The following ST7 variants were observed in gnomAD, a reference collection of about 807,000 sequenced individuals.
The protein encoded by ST7 is suppressor of tumorigenicity 7 protein.
ST7 carries 28 observed loss-of-function variants against 78.7 expected under a neutral mutation model. That is an observed-to-expected ratio of 0.36 (90% confidence interval 0.26 to 0.49). The LOEUF (loss-of-function observed/expected upper bound fraction) is 0.49, where lower values mean the gene tolerates loss of function less well. Among genes scored for constraint, ST7 ranks in the 20% least tolerant of loss-of-function variants. ST7 has a pLI of 0.99. For missense variants in ST7, 418 were observed against 696.0 expected (o/e 0.60, Z 4.49); for synonymous variants, 247 against 249.6 (o/e 0.99, Z 0.10).
intron 1 of ST7, among the ~76,000 whole-genome samples, chr7:116,997,271 G>A (rs1338791558): frequency 6.6e-6 from 1 of 152,140 alleles, no homozygotes; most frequent in African/African-American, 2.4e-5. Flanking sequence ...AAGGGGACCC[G>A]AGTGGGTTGC....
chr7:116,965,693 T>C (rs949971717), intron 1 of ST7, among the ~76,000 whole-genome samples: 3 of 152,198 alleles, frequency 2.0e-5, no homozygotes, highest in Non-Finnish European at 4.4e-5. Context: ...TTGAAGGAAC[T>C]GTGATTCTTG....
At chr7:117,044,332 A>G (rs1797380524) in intron 1 of ST7, among the ~76,000 whole-genome samples, 1 of 152,202 alleles carries the variant, frequency 6.6e-6, no homozygotes, top group Non-Finnish European at 1.5e-5. Flanking sequence ...GGCAGGTACT[A>G]GGTACCTTCT....
intron 2 of ST7, chr7:117,118,517 G>A (rs1803089821): frequency 1.3e-5 from 2 of 152,148 alleles, no homozygotes. Flanking sequence ...CCATTCCAGG[G>A]TAGATAATCT....
chr7:117,093,677 G>C (rs1189010751), intron 1 of ST7, among the ~76,000 whole-genome samples: 1 of 152,050 alleles, frequency 6.6e-6, no homozygotes, highest in Non-Finnish European at 1.5e-5. Flanking sequence ...CTCCAGCCTG[G>C]GCGACGGAGT....
chr7:117,018,127 CATGT>C lies in ST7; in HGVS notation c.151+64438_151+64441del, dbSNP rs535563383. Among the ~76,000 whole-genome samples, 11 of 152,300 alleles carry C rather than the reference CATGT, an allele frequency of 7.2e-5. No individual in the cohort carries two copies. The East Asian group carries it at 2.1e-3, about 29-fold the overall frequency. On this transcript the variant is annotated intron_variant, in intron 1 of 15. Coordinates refer to ENST00000323984, the MANE Select transcript of ST7 (RefSeq NM_001369598.1). ...AAATGAGTCGGCAAAGCAGTTATTA[CATGT>C]AGACCATGGCCTCTGTTTGAAAATA...
At chr7:117,035,195 A>C (rs527890113) in intron 1 of ST7, among the ~76,000 whole-genome samples, 1 of 151,076 alleles carries the variant, frequency 6.6e-6, no homozygotes, top group African/African-American at 2.4e-5. Context: ...ATGCTCTGGA[A>C]TTACCAGCTG....
At chr7:117,229,433 A>C (rs1793649425) in intron 15 of ST7, among the ~76,000 whole-genome samples, 1 of 152,226 alleles carries the variant, frequency 6.6e-6, no homozygotes, top group Non-Finnish European at 1.5e-5. Flanking sequence ...CCAATCTGTC[A>C]TTCCTGTTTG....
intron 1 of ST7, among the ~76,000 whole-genome samples, chr7:117,013,205 T>C (rs1751750639): frequency 6.6e-6 from 1 of 152,210 alleles, no homozygotes; most frequent in South Asian, 2.1e-4. Context: ...TAAATGTAGG[T>C]AGTTATTATC....
chr7:117,074,003 G>C (rs1016016318), intron 1 of ST7: 3 of 152,032 alleles, frequency 2.0e-5, no homozygotes, highest in Admixed American at 6.5e-5. Flanking sequence ...TTGAAATTAA[G>C]AAAAAAATTA....
chr7:117,202,869 T>C (rs1049443818), intron 12 of ST7, among the ~76,000 whole-genome samples: 18 of 148,244 alleles, frequency 1.2e-4, no homozygotes, highest in African/African-American at 4.5e-4. Flanking sequence ...AAGTGTTTTT[T>C]TCCCCCCCTC....
intron 1 of ST7, among the ~76,000 whole-genome samples, chr7:117,027,066 C>T (rs1796219718): frequency 6.6e-6 from 1 of 152,248 alleles, no homozygotes; most frequent in Non-Finnish European, 1.5e-5. Context: ...CCACTCAGAA[C>T]ACTTCATCAG....
intron 2 of ST7, chr7:117,118,005 G>T (rs1803029212): frequency 1.3e-5 from 2 of 152,162 alleles, no homozygotes; most frequent in Admixed American, 1.3e-4. Flanking sequence ...AAATGTTACA[G>T]ATTAGTCTTG....
chr7:117,185,371 C>G (rs769311693), intron 10 of ST7, among the ~76,000 whole-genome samples: 2 of 152,186 alleles, frequency 1.3e-5, no homozygotes, highest in Non-Finnish European at 2.9e-5. Context: ...ATTCTTCCCT[C>G]TAGCATCATT....
intron 10 of ST7, among the ~76,000 whole-genome samples, chr7:117,175,282 C>T (rs756685921): frequency 9.9e-5 from 15 of 152,116 alleles, no homozygotes; most frequent in African/African-American, 2.2e-4. Flanking sequence ...TTTTAGAAGC[C>T]GTTGCAAAAG....
At chr7:117,218,002 G>A (rs1792820514) in intron 13 of ST7, among the ~76,000 whole-genome samples, 1 of 152,166 alleles carries the variant, frequency 6.6e-6, no homozygotes, top group Non-Finnish European at 1.5e-5. Context: ...TTCTTGTGAG[G>A]GAGAACATTC....
At chr7:116,956,312 AAGTCATTAGCC>A (rs1792476696) in intron 1 of ST7, 37 of 352,072 alleles carry the variant, frequency 1.1e-4, no homozygotes, top group South Asian at 8.7e-4. Flanking sequence ...AGGGAGAAAG[AAGTCATTAGCC>A]AGCACCCCTG....
intron 1 of ST7, among the ~76,000 whole-genome samples, chr7:117,090,269 AC>A (rs1800507866): frequency 1.3e-5 from 2 of 150,460 alleles, no homozygotes; most frequent in Non-Finnish European, 3.0e-5. Flanking sequence ...ACACACACAC[AC>A]ACACACACGG....
intron 9 of ST7, chr7:117,144,130 A>G (rs1477686436): frequency 6.6e-6 from 1 of 152,224 alleles, no homozygotes; most frequent in Non-Finnish European, 1.5e-5. Context: ...AAACAAAAAA[A>G]TAAGAAGAGT....
At chr7:117,142,715 G>A (rs1201517737) in intron 9 of ST7, among the ~76,000 whole-genome samples, 3 of 152,026 alleles carry the variant, frequency 2.0e-5, no homozygotes, top group Non-Finnish European at 4.4e-5. Context: ...GGGTTCAAGC[G>A]ATTCTCCTGC....
Sources: gnomAD v4.1 joint callset for allele counts (sites outside exome capture counted in the v4.1 genomes callset) on GRCh38, gnomAD v4.1.1 for gene constraint, MANE v1.5 for transcripts, NCBI Gene and HGNC (gene_info 2026-07-23, HGNC 2026-07-21) for gene names.